The following MCTP2 variants were observed in gnomAD, a reference collection of about 807,000 sequenced individuals.
The protein encoded by MCTP2 is multiple C2 and transmembrane domain-containing protein 2.
Under a neutral mutation model 111.6 loss-of-function variants are expected in MCTP2, and 132 were observed. The observed-to-expected ratio is 1.18, with a 90% confidence interval of 1.03 to 1.37. The LOEUF (loss-of-function observed/expected upper bound fraction) is 1.37. Among genes scored for constraint, MCTP2 ranks in the 40% most tolerant of loss-of-function variants. The pLI, the probability that MCTP2 is intolerant of heterozygous loss-of-function variation, is 0.00. For synonymous variants in MCTP2, 395 were observed against 387.7 expected (o/e 1.02, Z -0.22); for missense variants, 1,183 against 1,067.9 (o/e 1.11, Z -1.50).
chr15:94,284,466 C>T (rs77018752), intron 1 of MCTP2, among the ~76,000 whole-genome samples: 2,801 of 152,196 alleles, frequency 0.018, 84 homozygotes, highest in African/African-American at 0.063. Context: ...ATAGATCTTT[C>T]CATAATGCAA....
chr15:94,468,891 G>A (rs2073659055), intron 20 of MCTP2, among the ~76,000 whole-genome samples: 1 of 152,172 alleles, frequency 6.6e-6, no homozygotes, highest in Non-Finnish European at 1.5e-5. Flanking sequence ...GCCTCCCAAA[G>A]TGCTAGGATT....
chr15:94,463,651 C>T (rs1343461114), intron 20 of MCTP2, among the ~76,000 whole-genome samples: 1 of 152,138 alleles, frequency 6.6e-6, no homozygotes, highest in African/African-American at 2.4e-5. Context: ...ATTCTTTTCT[C>T]ATGGGATCTC....
chr15:94,412,883 G>A (rs2082214093), intron 17 of MCTP2, among the ~76,000 whole-genome samples: 1 of 151,490 alleles, frequency 6.6e-6, no homozygotes, highest in Non-Finnish European at 1.5e-5. Context: ...TTCACAATAG[G>A]AAAATGCATA....
chr15:94,233,066 C>T (rs756831626), intron 1 of MCTP2, among the ~76,000 whole-genome samples: 2 of 152,052 alleles, frequency 1.3e-5, no homozygotes, highest in African/African-American at 4.8e-5. Flanking sequence ...TTCACTATTC[C>T]ATGCTGTCTC....
intron 2 of MCTP2, among the ~76,000 whole-genome samples, chr15:94,307,264 T>A (rs1199300719): frequency 6.6e-6 from 1 of 151,336 alleles, no homozygotes. Context: ...GAAAGCAGAG[T>A]AGGTGCTGGG....
chr15:94,407,419 A>G (rs2081954457), intron 17 of MCTP2, among the ~76,000 whole-genome samples: 1 of 152,186 alleles, frequency 6.6e-6, no homozygotes, highest in Non-Finnish European at 1.5e-5. Context: ...TGGATGTTTG[A>G]TCTAAAAAGT....
At chr15:94,457,074 C>T (rs2084879554) in intron 19 of MCTP2, among the ~76,000 whole-genome samples, 1 of 152,084 alleles carries the variant, frequency 6.6e-6, no homozygotes, top group Non-Finnish European at 1.5e-5. Flanking sequence ...GAAGTGTTTG[C>T]TTGATAGTTT....
intron 1 of MCTP2, among the ~76,000 whole-genome samples, chr15:94,243,845 A>G (rs2071385539): frequency 6.7e-6 from 1 of 148,230 alleles, no homozygotes; most frequent in African/African-American, 2.5e-5. Context: ...ATTTATGTAC[A>G]CATATATGTA....
chr15:94,359,048 T>G lies in MCTP2; in HGVS notation c.1301+436T>G, dbSNP rs1239074562. 4.6e-5 allele frequency among the ~76,000 whole-genome samples: 7 copies of G among 152,196 alleles called. No homozygotes were observed. The East Asian group carries it at 1.3e-3, about 29-fold the overall frequency. On this transcript the variant is annotated intron_variant, in intron 10 of 22. Transcript: ENST00000357742. ...CCAAGGAATGGAGTTTGAGGCCAAA[T>G]CTATTTTATTTTATTTCTTTACTTT...
chr15:94,478,028 A>G (rs937682744), intron 22 of MCTP2, among the ~76,000 whole-genome samples: 3 of 152,162 alleles, frequency 2.0e-5, no homozygotes, highest in African/African-American at 7.2e-5. Flanking sequence ...ATCAGGCATA[A>G]TGTCCTTGGG....
chr15:94,456,672 A>T (rs2084857058), intron 19 of MCTP2, among the ~76,000 whole-genome samples: 2 of 152,242 alleles, frequency 1.3e-5, no homozygotes, highest in Admixed American at 1.3e-4. Context: ...GTATCTTGAA[A>T]GTTTGATATT....
chr15:94,440,907 C>T (rs1338730138), intron 18 of MCTP2, among the ~76,000 whole-genome samples: 3 of 152,222 alleles, frequency 2.0e-5, no homozygotes, highest in Non-Finnish European at 4.4e-5. Context: ...CATCTCACTT[C>T]CACTCTGACT....
intron 2 of MCTP2, among the ~76,000 whole-genome samples, chr15:94,306,070 CA>C (rs1228201719): frequency 6.6e-6 from 1 of 152,058 alleles, no homozygotes; most frequent in Admixed American, 6.5e-5. Context: ...AAAAAATGAC[CA>C]GCAATACCAA....
At position 94,340,600 on chromosome 15, in the gene MCTP2, G is replaced by A. The variant is rs770986446; in HGVS notation, c.858-213G>A. ...ATTTTATTTGAGTGGTAGGGGAGGG[G>A]GATCAGTTAACCAACTGTTGAATTA... On this transcript the variant is annotated intron_variant, in intron 6 of 22. Transcript: ENST00000357742. Among the ~76,000 whole-genome samples, 3 of 151,944 alleles carry A rather than the reference G, an allele frequency of 2.0e-5. 1 individual carries two copies. Among genetic ancestry groups the A allele is most frequent in the South Asian group, 4.2e-4 (2 of 4,808 alleles).
chr15:94,233,531 C>G (rs193074342), intron 1 of MCTP2, among the ~76,000 whole-genome samples: 23 of 152,186 alleles, frequency 1.5e-4, no homozygotes, highest in Non-Finnish European at 3.1e-4. Context: ...TTTCTTACAG[C>G]TGCAAGATGA....
intron 17 of MCTP2, among the ~76,000 whole-genome samples, chr15:94,428,515 G>A (rs1478393022): frequency 6.6e-6 from 1 of 151,974 alleles, no homozygotes. Context: ...TTTAGGGGAA[G>A]GGGGGCTTCC....
chr15:94,435,913 G>A (rs2083453996), intron 17 of MCTP2, among the ~76,000 whole-genome samples: 1 of 152,054 alleles, frequency 6.6e-6, no homozygotes, highest in Non-Finnish European at 1.5e-5. Flanking sequence ...TTACAGGCGT[G>A]AGCCACCGCG....
At chr15:94,347,479 AT>A (rs978645813) in intron 8 of MCTP2, among the ~76,000 whole-genome samples, 1 of 152,086 alleles carries the variant, frequency 6.6e-6, no homozygotes, top group African/African-American at 2.4e-5. Context: ...TAAATCTATA[AT>A]TTTGCATCAT....
intron 2 of MCTP2, among the ~76,000 whole-genome samples, chr15:94,302,263 A>C (rs2075651621): frequency 6.6e-6 from 1 of 152,186 alleles, no homozygotes; most frequent in Non-Finnish European, 1.5e-5. Context: ...AGAATTAGTA[A>C]GACTCAGATA....
Sources: gnomAD v4.1 joint callset for allele counts (sites outside exome capture counted in the v4.1 genomes callset) on GRCh38, gnomAD v4.1.1 for gene constraint, MANE v1.5 for transcripts, NCBI Gene and HGNC (gene_info 2026-07-23, HGNC 2026-07-21) for gene names.